RAB28: variants seen among roughly 807,000 people sequenced by gnomAD.
RAB28 encodes RAB28, member RAS oncogene family.
A neutral mutation model predicts 31.7 loss-of-function variants in RAB28; 24 were observed. That is an observed-to-expected ratio of 0.76 (90% CI 0.55 to 1.06). RAB28 has a LOEUF of 1.06. Among genes scored for constraint, RAB28 ranks in the 50% least tolerant of loss-of-function variants. RAB28 has a pLI of 0.00. For synonymous variants in RAB28, 100 were observed against 90.4 expected (o/e 1.11, Z -0.60); for missense variants, 254 against 258.5 (o/e 0.98, Z 0.12).
At chr4:13,438,736 T>C (rs1281032610) in intron 4 of RAB28, among the ~76,000 whole-genome samples, 1 of 152,210 alleles carries the variant, frequency 6.6e-6, no homozygotes, top group Admixed American at 6.5e-5. Context: ...TATTTGTATA[T>C]AAATTTTTGT....
chr4:13,401,733 C>A (rs1017053765), intron 4 of RAB28, among the ~76,000 whole-genome samples: 1 of 151,962 alleles, frequency 6.6e-6, no homozygotes, highest in Non-Finnish European at 1.5e-5. Context: ...TTTTATTAAT[C>A]TTTTCAAAGA....
chr4:13,443,621 T>C (rs1714532788), intron 4 of RAB28, among the ~76,000 whole-genome samples: 1 of 152,208 alleles, frequency 6.6e-6, no homozygotes, highest in Admixed American at 6.5e-5. Flanking sequence ...TGTATACTTG[T>C]AAACAATTAA....
At chr4:13,446,847 A>T (rs1714723513) in intron 4 of RAB28, among the ~76,000 whole-genome samples, 2 of 152,248 alleles carry the variant, frequency 1.3e-5, no homozygotes, top group East Asian at 3.9e-4. Flanking sequence ...TTACAGATAC[A>T]TATATCCAAC....
At chr4:13,473,615 A>G (rs1716214959) in intron 3 of RAB28, among the ~76,000 whole-genome samples, 1 of 151,896 alleles carries the variant, frequency 6.6e-6, no homozygotes, top group African/African-American at 2.4e-5. Context: ...AAAGTATATT[A>G]CTACCCTGCA....
chr4:13,462,939 GCTCTACGCTGGAA>G (rs1183703228), intron 3 of RAB28, among the ~76,000 whole-genome samples: 1 of 152,196 alleles, frequency 6.6e-6, no homozygotes, highest in Non-Finnish European at 1.5e-5. Flanking sequence ...GTTGAAAAGA[GCTCTACGCTGGAA>G]CTCAGGTTGC....
intron 4 of RAB28, among the ~76,000 whole-genome samples, chr4:13,398,924 A>G (rs1332176789): frequency 6.7e-6 from 1 of 149,546 alleles, no homozygotes; most frequent in African/African-American, 2.5e-5. Flanking sequence ...TATTTAAAGT[A>G]ACAACAAAGA....
intron 4 of RAB28, among the ~76,000 whole-genome samples, chr4:13,427,415 A>G (rs1490333926): frequency 6.6e-6 from 1 of 152,226 alleles, no homozygotes; most frequent in African/African-American, 2.4e-5. Context: ...AGAAACAAAC[A>G]AGGTAAGCTT....
chr4:13,374,464 T>C lies in RAB28; in HGVS notation c.573+2081A>G, dbSNP rs371845930. 8.0e-4 allele frequency among the ~76,000 whole-genome samples: 122 copies of C among 152,250 alleles called. 1 individual carries two copies. In the South Asian group the frequency reaches 0.025, roughly 31 times the overall value. On this transcript the variant is annotated intron_variant, in intron 6 of 6. Coordinates refer to ENST00000330852, the MANE Select transcript of RAB28 (RefSeq NM_001017979.3). ...TGTTTCATTTCTCCAGAGGTCTCCT[T>C]GTATCTGATCACCACTGCACAGCTC...
intron 4 of RAB28, among the ~76,000 whole-genome samples, chr4:13,412,862 G>A (rs111622156): frequency 2.0e-5 from 3 of 152,002 alleles, no homozygotes; most frequent in African/African-American, 7.2e-5. Context: ...AAGATAATAG[G>A]AAGTGATGAA....
chr4:13,463,500 G>T (rs1715698395), intron 3 of RAB28, among the ~76,000 whole-genome samples: 1 of 152,108 alleles, frequency 6.6e-6, no homozygotes. Flanking sequence ...TGCTACAACT[G>T]CAGAGCTGAG....
At chr4:13,384,372 G>GTGCTGCTGC (rs151083323) in intron 4 of RAB28, among the ~76,000 whole-genome samples, 3 of 152,002 alleles carry the variant, frequency 2.0e-5, no homozygotes, top group African/African-American at 7.2e-5. Flanking sequence ...GTACCCCACC[G>GTGCTGCTGC]TGCTGCTGCT....
At chr4:13,393,168 G>A (rs6820841) in intron 4 of RAB28, among the ~76,000 whole-genome samples, 7,698 of 152,246 alleles carry the variant, frequency 0.051, 374 homozygotes, top group African/African-American at 0.13. Context: ...TCTATAACAG[G>A]AGTACAGAGA....
At chr4:13,390,473 GA>G (rs201694910) in intron 4 of RAB28, among the ~76,000 whole-genome samples, 1 of 151,272 alleles carries the variant, frequency 6.6e-6, no homozygotes, top group Non-Finnish European at 1.5e-5. Flanking sequence ...TCAATATCAT[GA>G]AAAACGGCCA....
At chr4:13,400,604 G>A (rs1711694847) in intron 4 of RAB28, among the ~76,000 whole-genome samples, 3 of 152,090 alleles carry the variant, frequency 2.0e-5, no homozygotes, top group Admixed American at 1.3e-4. Flanking sequence ...TGTTGAATAG[G>A]AGAGGTGGAA....
rs556496518 is a variant in RAB28 at position 13,473,060 on chromosome 4, TA to T, written c.261+1257del. Among the ~76,000 whole-genome samples the T allele has an allele frequency of 9.4e-4, 143 of 151,958 alleles. 1 individual carries two copies. Among genetic ancestry groups the T allele is most frequent in the Non-Finnish European group, 1.6e-3 (106 of 67,922 alleles). On this transcript the variant is annotated intron_variant, in intron 3 of 6. Coordinates refer to ENST00000330852, the MANE Select transcript of RAB28 (RefSeq NM_001017979.3). ...CAAAAAATCAAAACTCTGGGGCCTT[TA>T]TAAGTGATTCAGAACCATATTAGCC...
intron 4 of RAB28, among the ~76,000 whole-genome samples, chr4:13,401,215 T>C (rs536630099): frequency 6.6e-6 from 1 of 152,346 alleles, no homozygotes; most frequent in East Asian, 1.9e-4. Flanking sequence ...GTATTCTTTG[T>C]GGAAACATTC....
chr4:13,400,814 T>C (rs77236498), intron 4 of RAB28, among the ~76,000 whole-genome samples: 4,864 of 152,310 alleles, frequency 0.032, 106 homozygotes, highest in Non-Finnish European at 0.055. Context: ...GCTTTTTATG[T>C]TTCTGTTGAG....
intron 4 of RAB28, 31 bp downstream of exon 4, chr4:13,460,668 T>C (rs1254568031): frequency 6.2e-7 from 1 of 1,613,298 alleles, no homozygotes; most frequent in South Asian, 1.1e-5. Context: ...AAGTAAACTG[T>C]ACCATACATA....
At chr4:13,475,728 G>A (rs1304853759) in intron 2 of RAB28, among the ~76,000 whole-genome samples, 3 of 151,450 alleles carry the variant, frequency 2.0e-5, no homozygotes, top group Admixed American at 6.6e-5. Context: ...TTAGACTAAT[G>A]ACTAAAATGT....
Sources: gnomAD v4.1 joint callset for allele counts (sites outside exome capture counted in the v4.1 genomes callset) on GRCh38, gnomAD v4.1.1 for gene constraint, MANE v1.5 for transcripts, NCBI Gene and HGNC (gene_info 2026-07-23, HGNC 2026-07-21) for gene names.